FRS2: variants seen among roughly 807,000 people sequenced by gnomAD.
FRS2 encodes FGFR signalling adaptor.
In FRS2, 8 loss-of-function variants were observed where a neutral mutation model predicts 43.9. The observed-to-expected ratio is 0.18, with a 90% CI of 0.11 to 0.33. The LOEUF is 0.33. FRS2 is among the 10% of genes least tolerant of loss of function. FRS2 has a pLI of 1.00. For missense variants in FRS2, 534 were observed against 627.6 expected (o/e 0.85, Z 1.59); for synonymous variants, 219 against 220.3 (o/e 0.99, Z 0.05).
chr12:69,474,935 T>G (rs1870633856), intron 1 of FRS2, among the ~76,000 whole-genome samples: 1 of 152,246 alleles, frequency 6.6e-6, no homozygotes, highest in African/African-American at 2.4e-5. Context: ...TTCTTCCAAC[T>G]CTATTTTATA....
intron 3 of FRS2, among the ~76,000 whole-genome samples, chr12:69,560,918 C>A (rs1257479102): frequency 6.6e-6 from 1 of 152,124 alleles, no homozygotes; most frequent in African/African-American, 2.4e-5. Context: ...AGATCACTAT[C>A]ATTTCTCTTA....
chr12:69,489,683 A>G (rs1418439443), intron 1 of FRS2, among the ~76,000 whole-genome samples: 1 of 151,846 alleles, frequency 6.6e-6, no homozygotes, highest in Non-Finnish European at 1.5e-5. Flanking sequence ...AAAAAAAAAA[A>G]AGAAAATTAT....
intron 3 of FRS2, among the ~76,000 whole-genome samples, chr12:69,538,867 C>A (rs1341108170): frequency 6.6e-6 from 1 of 152,010 alleles, no homozygotes; most frequent in Non-Finnish European, 1.5e-5. Flanking sequence ...GTCTATTCTC[C>A]ATGAGTTTAT....
intron 3 of FRS2, among the ~76,000 whole-genome samples, chr12:69,558,784 T>C (rs961689766): frequency 3.9e-5 from 6 of 152,234 alleles, no homozygotes; most frequent in Non-Finnish European, 5.9e-5. Context: ...AGTAAGCTCC[T>C]TGGAGTCAGG....
chr12:69,528,746 A>G (rs1015633534), intron 1 of FRS2, among the ~76,000 whole-genome samples: 1 of 152,210 alleles, frequency 6.6e-6, no homozygotes, highest in Non-Finnish European at 1.5e-5. Flanking sequence ...TTTGCCAGAT[A>G]AGGAAAACTA....
intron 3 of FRS2, among the ~76,000 whole-genome samples, chr12:69,544,676 C>T (rs1829068877): frequency 6.6e-6 from 1 of 151,900 alleles, no homozygotes; most frequent in Admixed American, 6.6e-5. Flanking sequence ...CACTGCATTC[C>T]AGCCTGGGTG....
chr12:69,485,135 A>ACACACT (rs1299663612), intron 1 of FRS2, among the ~76,000 whole-genome samples: 20 of 80,880 alleles, frequency 2.5e-4, no homozygotes, highest in Middle Eastern at 6.3e-3. Flanking sequence ...ACACACACAC[A>ACACACT]CTCTCACCCC....
At chr12:69,530,164 CAATT>C (rs1221339127) in intron 1 of FRS2, among the ~76,000 whole-genome samples, 1 of 145,964 alleles carries the variant, frequency 6.9e-6, no homozygotes, top group African/African-American at 2.7e-5. Flanking sequence ...TTGCTTATAA[CAATT>C]AATGATAATA....
chr12:69,497,289 G>A (rs895024886), intron 1 of FRS2, among the ~76,000 whole-genome samples: 12 of 152,214 alleles, frequency 7.9e-5, no homozygotes, highest in Admixed American at 1.3e-4. Context: ...TAGTGTCTTA[G>A]TACATTCGGG....
In FRS2 at chr12:69,483,674, TAAGAA is replaced by T. The variant is rs543056062; in HGVS notation, c.-261+13146_-261+13150del. Among the ~76,000 whole-genome samples, 669 of 152,266 alleles carry T rather than the reference TAAGAA, an allele frequency of 4.4e-3. 3 individuals carry two copies. Among genetic ancestry groups the T allele is most frequent in the African/African-American group, 0.015 (634 of 41,546 alleles). ...CCATCATATTTAGTTGTTGCTATCA[TAAGAA>T]ATGTTGCAAAATATAAAAAAATAAA... is the stretch of plus-strand genomic sequence containing the variant. On this transcript the variant is annotated intron_variant, in intron 1 of 8. Coordinates refer to ENST00000549921, the MANE Select transcript of FRS2 (RefSeq NM_001278356.2).
chr12:69,485,760 G>C (rs553696079), intron 1 of FRS2, among the ~76,000 whole-genome samples: 4 of 152,300 alleles, frequency 2.6e-5, no homozygotes, highest in Admixed American at 2.6e-4. Context: ...GAGCCACCAT[G>C]CCTGACCTAA....
chr12:69,514,840 A>C (rs1022301485), intron 1 of FRS2, among the ~76,000 whole-genome samples: 3 of 152,138 alleles, frequency 2.0e-5, no homozygotes, highest in African/African-American at 7.2e-5. Context: ...TCAAAAAAAA[A>C]AAAAGATGGG....
intron 3 of FRS2, among the ~76,000 whole-genome samples, chr12:69,557,594 T>TTGTGTGTGTGTGTG (rs376896422): frequency 0.017 from 2,298 of 136,936 alleles, 22 homozygotes; most frequent in Non-Finnish European, 0.019. Context: ...TGAAGGTTGA[T>TTGTGTGTGTGTGTG]TGTGTGTGTG....
chr12:69,525,942 T>C (rs1035246464), intron 1 of FRS2, among the ~76,000 whole-genome samples: 1 of 152,072 alleles, frequency 6.6e-6, no homozygotes, highest in African/African-American at 2.4e-5. Context: ...TGCAACTTCC[T>C]TCCGCCCCCT....
intron 1 of FRS2, among the ~76,000 whole-genome samples, chr12:69,527,682 G>T (rs1450389623): frequency 6.6e-6 from 1 of 152,116 alleles, no homozygotes; most frequent in Non-Finnish European, 1.5e-5. Flanking sequence ...TTTTGATTGG[G>T]AAATTCTGAG....
At chr12:69,565,303 T>C (rs1159117221) in intron 4 of FRS2, among the ~76,000 whole-genome samples, 1 of 152,226 alleles carries the variant, frequency 6.6e-6, no homozygotes, top group Non-Finnish European at 1.5e-5. Context: ...GAAGTTGCTC[T>C]TGGGTGAGTT....
At chr12:69,496,944 T>A (rs1872951433) in intron 1 of FRS2, among the ~76,000 whole-genome samples, 1 of 152,168 alleles carries the variant, frequency 6.6e-6, no homozygotes, top group Non-Finnish European at 1.5e-5. Flanking sequence ...TCCTGCAAGG[T>A]TTAGATATTA....
At chr12:69,573,436 T>C (rs1880928271) in intron 8 of FRS2, among the ~76,000 whole-genome samples, 1 of 152,224 alleles carries the variant, frequency 6.6e-6, no homozygotes, top group African/African-American at 2.4e-5. Context: ...TTATCATGTT[T>C]AACAATCAAA....
At chr12:69,530,601 G>A (rs1876691187) in intron 1 of FRS2, among the ~76,000 whole-genome samples, 1 of 151,978 alleles carries the variant, frequency 6.6e-6, no homozygotes, top group African/African-American at 2.4e-5. Flanking sequence ...AAATTGGCTG[G>A]CCGTGGTGGC....
Sources: gnomAD v4.1 joint callset for allele counts (sites outside exome capture counted in the v4.1 genomes callset) on GRCh38, gnomAD v4.1.1 for gene constraint, MANE v1.5 for transcripts, NCBI Gene and HGNC (gene_info 2026-07-23, HGNC 2026-07-21) for gene names.